Variants in MRPL3 observed in about 807,000 individuals in gnomAD.
The protein encoded by MRPL3 is large ribosomal subunit protein uL3m.
Under a neutral mutation model 44.3 loss-of-function variants are expected in MRPL3, and 43 were observed. That is an observed-to-expected ratio of 0.97 (90% CI 0.76 to 1.25). MRPL3 has a LOEUF of 1.25. MRPL3 is among the 50% of genes most tolerant of loss of function. The pLI is 0.00. For synonymous variants in MRPL3, 171 were observed against 152.3 expected (o/e 1.12, Z -0.91); for missense variants, 406 against 427.6 (o/e 0.95, Z 0.45).
At chr3:131,490,764 T>C (rs1934238643) in intron 4 of MRPL3, among the ~76,000 whole-genome samples, 1 of 152,228 alleles carries the variant, frequency 6.6e-6, no homozygotes, top group Admixed American at 6.5e-5. Flanking sequence ...GAGATGCACA[T>C]GGAGAGCTTC....
chr3:131,465,171 A>G (rs1377841973), intron 9 of MRPL3, among the ~76,000 whole-genome samples: 1 of 152,236 alleles, frequency 6.6e-6, no homozygotes, highest in East Asian at 1.9e-4. Context: ...ATAGTTCAAA[A>G]GGGACTAGAC....
chr3:131,472,890 A>G (rs1423462941), intron 6 of MRPL3, among the ~76,000 whole-genome samples: 1 of 152,202 alleles, frequency 6.6e-6, no homozygotes, highest in Non-Finnish European at 1.5e-5. Flanking sequence ...ACTGAAAATG[A>G]TAAAACATTG....
chr3:131,477,919 T>A (rs1933892170), intron 6 of MRPL3, among the ~76,000 whole-genome samples: 1 of 152,178 alleles, frequency 6.6e-6, no homozygotes, highest in African/African-American at 2.4e-5. Flanking sequence ...GCTTCCCTAA[T>A]GTTCTTTGAG....
chr3:131,465,336 C>CT (rs1256623877), intron 9 of MRPL3, among the ~76,000 whole-genome samples: 1 of 152,130 alleles, frequency 6.6e-6, no homozygotes, highest in Admixed American at 6.6e-5. Flanking sequence ...GGCGATAAAT[C>CT]TGAGTAATAA....
At chr3:131,476,933 T>C (rs1225499176) in intron 6 of MRPL3, among the ~76,000 whole-genome samples, 1 of 152,200 alleles carries the variant, frequency 6.6e-6, no homozygotes, top group Non-Finnish European at 1.5e-5. Context: ...GCATGCCTTT[T>C]AGTTTGAAAA....
intron 6 of MRPL3, among the ~76,000 whole-genome samples, chr3:131,485,462 A>G (rs1934097961): frequency 6.6e-6 from 1 of 152,238 alleles, no homozygotes; most frequent in Non-Finnish European, 1.5e-5. Flanking sequence ...TTTATATGCA[A>G]TAATTCAAAA....
chr3:131,487,544 G>T, intron 6 of MRPL3, 136 bp downstream of exon 6: 1 of 722,134 alleles, frequency 1.4e-6, no homozygotes, highest in Non-Finnish European at 2.3e-6. Flanking sequence ...TAGGTAACAT[G>T]AAAGATTTGA....
At chr3:131,487,070 T>C (rs1221114190) in intron 6 of MRPL3, 4 of 152,328 alleles carry the variant, frequency 2.6e-5, no homozygotes, top group South Asian at 2.1e-4. Flanking sequence ...CCATCAATGA[T>C]AGACTGGATT....
chr3:131,502,728 A>T lies in MRPL3; in HGVS notation c.92+2T>A. ...AGGTAGGACACCCTCACACCTTCCT[A>T]CCTGTTCCCCGGGCCCAGGGCAGCA... On this transcript the variant is annotated splice_donor_variant, in intron 1 of 9. Transcript: ENST00000264995. LOFTEE classifies it high-confidence loss of function. 6.2e-7 allele frequency: 1 copy of T among 1,606,994 alleles called. No individual in the cohort carries two copies. Among genetic ancestry groups the T allele is most frequent in the Non-Finnish European group, 8.5e-7 (1 of 1,175,962 alleles).
intron 4 of MRPL3, among the ~76,000 whole-genome samples, chr3:131,494,327 C>CTTT (rs1456379370): frequency 1.3e-5 from 2 of 152,218 alleles, no homozygotes; most frequent in Non-Finnish European, 2.9e-5. Flanking sequence ...AAGTCCCCTG[C>CTTT]TTTTCATCTT....
At position 131,467,815 on chromosome 3, in the gene MRPL3, G is replaced by C. The variant is rs908320623; in HGVS notation, c.894+276C>G. On this transcript the variant is annotated intron_variant, in intron 9 of 9. Transcript: ENST00000264995. ...TTCTATTAGGATGGACTAATACACAGCCTTACCCTTTTTACAGGTTCTTGG... is the reference window on the plus strand; with the variant it reads ...TTCTATTAGGATGGACTAATACACACCCTTACCCTTTTTACAGGTTCTTGG... Among the ~76,000 whole-genome samples, 6 of 152,070 alleles carry C rather than the reference G, an allele frequency of 3.9e-5. No individual in the cohort carries two copies. In the East Asian group the frequency reaches 1.2e-3, roughly 29 times the overall value.
intron 6 of MRPL3, among the ~76,000 whole-genome samples, chr3:131,486,600 T>C (rs1934131178): frequency 6.6e-6 from 1 of 151,360 alleles, no homozygotes; most frequent in Non-Finnish European, 1.5e-5. Flanking sequence ...TACAAAGAAC[T>C]CAAACAAATT....
At position 131,462,749 on chromosome 3, in the gene MRPL3, C is replaced by T. The variant is rs201060753; in HGVS notation, c.1021G>A (p.Gly341Ser). The change falls in exon 10 of 10, where the codon GGT (glycine) becomes AGT (serine). Residue 341 changes from glycine to serine, a missense_variant. Physicochemically the swap from Gly to Ser is moderately conservative, Grantham distance 56. Coordinates refer to ENST00000264995, the MANE Select transcript of MRPL3 (RefSeq NM_007208.4). ...DLYDENVCQP[G>S]APSITFA ...TAGGCAAATGTAATAGAAGGCGCAC[C>T]GGGCTGACACACGTTTTCATCATAC... 48 of 1,611,330 alleles carry T rather than the reference C, an allele frequency of 3.0e-5. No individual in the cohort carries two copies. Among genetic ancestry groups the T allele is most frequent in the African/African-American group, 2.5e-4 (19 of 74,876 alleles).
intron 4 of MRPL3, among the ~76,000 whole-genome samples, chr3:131,493,484 T>C (rs1275878190): frequency 6.6e-6 from 1 of 152,160 alleles, no homozygotes; most frequent in Non-Finnish European, 1.5e-5. Context: ...ACCTGGATGG[T>C]AAAGGCTGTT....
At chr3:131,464,621 G>T (rs946458048) in intron 9 of MRPL3, among the ~76,000 whole-genome samples, 7 of 152,068 alleles carry the variant, frequency 4.6e-5, no homozygotes, top group African/African-American at 1.7e-4. Flanking sequence ...TAGGACACAG[G>T]AATGAACACG....
chr3:131,496,977 T>C (rs552293307), intron 4 of MRPL3, among the ~76,000 whole-genome samples: 24 of 152,336 alleles, frequency 1.6e-4, no homozygotes, highest in African/African-American at 5.3e-4. Flanking sequence ...TGCTCTTCCA[T>C]GTTGTCTCTG....
At chr3:131,481,017 C>T (rs1582709588) in intron 6 of MRPL3, among the ~76,000 whole-genome samples, 1 of 152,254 alleles carries the variant, frequency 6.6e-6, no homozygotes, top group South Asian at 2.1e-4. Flanking sequence ...CATCCAGCCA[C>T]GCTTTCAACC....
chr3:131,465,100 T>C (rs1246145436), intron 9 of MRPL3, among the ~76,000 whole-genome samples: 2 of 152,252 alleles, frequency 1.3e-5, no homozygotes, highest in East Asian at 3.8e-4. Flanking sequence ...TCAAAGATTT[T>C]TTTAAAGGAC....
At chr3:131,474,970 A>C (rs1490087243) in intron 6 of MRPL3, among the ~76,000 whole-genome samples, 1 of 151,848 alleles carries the variant, frequency 6.6e-6, no homozygotes, top group Non-Finnish European at 1.5e-5. Context: ...TGGTAGAGAG[A>C]GGGATCTTGC....
Sources: allele counts gnomAD v4.1 joint callset (sites outside exome capture counted in the v4.1 genomes callset), GRCh38; gene constraint gnomAD v4.1.1; transcripts MANE v1.5; gene names NCBI Gene and HGNC (gene_info 2026-07-23, HGNC 2026-07-21).